The following MCF2L variants were observed in gnomAD, a reference collection of about 807,000 sequenced individuals.
MCF2L encodes guanine nucleotide exchange factor DBS.
A neutral mutation model predicts 153.4 loss-of-function variants in MCF2L; 97 were observed. That is an observed-to-expected ratio of 0.63 (90% CI 0.54 to 0.75). The LOEUF (loss-of-function observed/expected upper bound fraction) is 0.75. Ranked by LOEUF, MCF2L falls within the 30% of genes least tolerant of loss-of-function variation. The pLI, the probability that MCF2L is intolerant of heterozygous loss-of-function variation, is 0.00. For missense variants in MCF2L, 1,347 were observed against 1,495.2 expected, an observed-to-expected ratio of 0.90 and a Z score of 1.64; for synonymous variants, 659 against 632.2, an observed-to-expected ratio of 1.04 and a Z score of -0.64.
intron 2 of MCF2L, among the ~76,000 whole-genome samples, chr13:112,906,546 C>G (rs2081174928): frequency 6.6e-6 from 1 of 152,222 alleles, no homozygotes; most frequent in Non-Finnish European, 1.5e-5. Flanking sequence ...TCTGGCTCTC[C>G]TCTCCCTGGC....
At position 113,045,289 on chromosome 13, in the gene MCF2L, C is replaced by T. The variant is rs781570064; in HGVS notation, c.297C>T (p.Ile99=). The T allele has an allele frequency of 1.9e-5, 30 of 1,613,844 alleles. No homozygotes were observed. In the African/African-American group the frequency reaches 2.4e-4, roughly 13 times the overall value. The change falls in exon 4 of 30, where the codon ATC becomes ATT. Residue 99 remains isoleucine (I), a synonymous_variant. Coordinates refer to ENST00000535094, the MANE Select transcript of MCF2L (RefSeq NM_001112732.3). This position sits in a 1 kb window ranked among gnomAD's most constrained non-coding sequence, Gnocchi z 4.2. ...ACTGCAGCCTGCAGGACGCTGGCAT[C>T]GGATTCATCCTGGTGATAGACCGGC... is the stretch of plus-strand genomic sequence containing the variant. ...TSIPSLQDAG[I]GFILVIDRRR...
In MCF2L at chr13:113,094,557, C is replaced by T. The variant is rs781264646; in HGVS notation, c.2997C>T (p.Asp999=). The change falls in exon 27 of 30, where the codon GAC becomes GAT. Residue 999 remains aspartate, a synonymous_variant. Coordinates refer to ENST00000535094, the MANE Select transcript of MCF2L (RefSeq NM_001112732.3). Reference sequence around the variant, plus strand: ...ACTCACTGGAGGCACCTGAGGACGACGGGGGCTGGTCAAGTGCAGAGGAGC... The same window carrying T: ...ACTCACTGGAGGCACCTGAGGACGATGGGGGCTGGTCAAGTGCAGAGGAGC... ...TSHSLEAPED[D]GGWSSAEEQI... 16 of 1,612,360 alleles carry T rather than the reference C, an allele frequency of 9.9e-6. No homozygotes were observed. Among genetic ancestry groups the T allele is most frequent in the African/African-American group, 4.0e-5 (3 of 74,948 alleles).
chr13:112,923,241 A>G (rs1027154132), intron 2 of MCF2L, among the ~76,000 whole-genome samples: 1 of 148,292 alleles, frequency 6.7e-6, no homozygotes, highest in African/African-American at 2.5e-5. Flanking sequence ...ATCTCCATGA[A>G]CTTCAGTGTT....
intron 3 of MCF2L, chr13:113,041,010 T>C (rs1028966128): frequency 6.6e-6 from 1 of 152,198 alleles, no homozygotes; most frequent in Non-Finnish European, 1.5e-5. Flanking sequence ...GGGCCAAAAG[T>C]GAGCTCATTG....
chr13:113,049,050 C>T (rs577023501), intron 4 of MCF2L, among the ~76,000 whole-genome samples: 22 of 152,312 alleles, frequency 1.4e-4, no homozygotes, highest in Non-Finnish European at 2.8e-4. Flanking sequence ...AGGAGCCCGC[C>T]GCCTCCAGAA....
At chr13:112,909,622 T>G (rs1316351402) in intron 2 of MCF2L, 1 of 307,198 alleles carries the variant, frequency 3.3e-6, no homozygotes. Flanking sequence ...AAACAAGAAA[T>G]GAAGAGGGTT....
At chr13:112,975,453 T>A (rs2082181181) in intron 1 of MCF2L, among the ~76,000 whole-genome samples, 1 of 152,220 alleles carries the variant, frequency 6.6e-6, no homozygotes, top group Non-Finnish European at 1.5e-5. Context: ...CAGAATGGAC[T>A]CAGGAGAGCA....
intron 18 of MCF2L, among the ~76,000 whole-genome samples, chr13:113,084,364 C>T (rs979374822): frequency 2.4e-5 from 3 of 127,060 alleles, no homozygotes; most frequent in Non-Finnish European, 5.3e-5. Context: ...TCTGTACCCC[C>T]AGAACCTCCT....
intron 15 of MCF2L, among the ~76,000 whole-genome samples, chr13:113,079,342 C>A (rs2033853190): frequency 6.6e-6 from 1 of 152,144 alleles, no homozygotes; most frequent in South Asian, 2.1e-4. Context: ...AGCCAAACAC[C>A]CATGAGGCAC....
chr13:113,078,575 C>G (rs1566856549), intron 14 of MCF2L, 91 bp from the exon 15 acceptor site: 1 of 1,410,014 alleles, frequency 7.1e-7, no homozygotes, highest in African/African-American at 1.4e-5. Context: ...TCAGCCCTGT[C>G]CCCATACGGG....
At chr13:113,039,694 C>G (rs1015432275) in intron 3 of MCF2L, among the ~76,000 whole-genome samples, 4 of 152,160 alleles carry the variant, frequency 2.6e-5, no homozygotes, top group African/African-American at 9.7e-5. Flanking sequence ...AGCCACTAGA[C>G]ACAGAAGGCT....
chr13:112,968,151 G>GGC (rs1555355501), upstream of MCF2L, among the ~76,000 whole-genome samples: 36 of 143,904 alleles, frequency 2.5e-4, 3 homozygotes, highest in Non-Finnish European at 5.1e-4. Flanking sequence ...GTGGGGGGGG[G>GGC]GGTCTTGCTA....
chr13:112,999,203 G>T (rs1258361137), intron 1 of MCF2L, among the ~76,000 whole-genome samples: 1 of 152,200 alleles, frequency 6.6e-6, no homozygotes, highest in African/African-American at 2.4e-5. Context: ...GGTGACTGTT[G>T]CGTGGCCCCC....
chr13:112,946,553 C>G (rs59997165), intron 2 of MCF2L, among the ~76,000 whole-genome samples: 1,954 of 152,290 alleles, frequency 0.013, 50 homozygotes, highest in African/African-American at 0.044. Context: ...ATCCAGCCCC[C>G]TTGAGATTTT....
At chr13:112,968,440 T>C (rs1225071544), upstream of MCF2L, 4 of 1,585,944 alleles carry the variant, frequency 2.5e-6, no homozygotes, top group East Asian at 6.8e-5. Context: ...GTGTGTCGAG[T>C]GCACAGTGTG....
At chr13:112,913,892 C>T (rs886368950) in intron 2 of MCF2L, among the ~76,000 whole-genome samples, 17 of 152,172 alleles carry the variant, frequency 1.1e-4, no homozygotes, top group African/African-American at 3.9e-4. Flanking sequence ...GACTCTTTCT[C>T]GCTCACTTGA....
Position 112,932,049 on chromosome 13 carries a change from A to G in MCF2L, c.169+29678A>G, listed in dbSNP as rs577455307. Among the ~76,000 whole-genome samples the G allele has an allele frequency of 8.5e-5, 13 of 152,304 alleles. No individual in the cohort carries two copies. Among genetic ancestry groups the G allele is most frequent in the African/African-American group, 2.9e-4 (12 of 41,556 alleles). ...TTCATGTAGATGAGTTGTTGTCACG[A>G]GGGGAGCTCAGAACCCTACTTCCTG... On this transcript the variant is annotated intron_variant, in intron 2 of 29. Coordinates refer to the MCF2L transcript ENST00000375608. The surrounding 1 kb of genome is among the most constrained non-coding windows in gnomAD (Gnocchi z 4.6).
chr13:112,967,307 G>A (rs1463975179), upstream of MCF2L, among the ~76,000 whole-genome samples: 2 of 152,004 alleles, frequency 1.3e-5, no homozygotes, highest in South Asian at 2.1e-4. Context: ...TTGTGCCGCC[G>A]TAGGCACCCT....
At chr13:112,924,825 A>G (rs927072657) in intron 2 of MCF2L, among the ~76,000 whole-genome samples, 22 of 152,248 alleles carry the variant, frequency 1.4e-4, no homozygotes, top group Admixed American at 6.5e-5. Context: ...CCCAGACGTT[A>G]AAATTTTCTA....
Sources: allele counts gnomAD v4.1 joint callset (sites outside exome capture counted in the v4.1 genomes callset), GRCh38; gene constraint gnomAD v4.1.1; non-coding constraint Gnocchi (gnomAD v3.1); transcripts MANE v1.5; gene names NCBI Gene and HGNC (gene_info 2026-07-23, HGNC 2026-07-21).